Variants in TPRG1 observed in about 807,000 individuals in gnomAD.
The protein encoded by TPRG1 is tumor protein p63-regulated gene 1 protein.
In TPRG1, 29 loss-of-function variants were observed where a neutral mutation model predicts 29.3. The ratio of observed to expected loss-of-function variants is 0.99; its 90% CI spans 0.74 to 1.35. The LOEUF is 1.35. Among genes scored for constraint, TPRG1 ranks in the 40% most tolerant of loss-of-function variants. TPRG1 has a pLI of 0.00. For missense variants in TPRG1, 327 were observed against 335.0 expected (o/e 0.98, Z 0.19); for synonymous variants, 130 against 116.8 (o/e 1.11, Z -0.73).
chr3:189,283,908 G>C (rs1413068621), intron 4 of TPRG1, among the ~76,000 whole-genome samples: 3 of 152,170 alleles, frequency 2.0e-5, no homozygotes, highest in South Asian at 4.1e-4. Context: ...GTGGATACAG[G>C]CGTTAGTACT....
At chr3:189,302,434 TA>T (rs1168074915) in intron 4 of TPRG1, among the ~76,000 whole-genome samples, 1 of 152,194 alleles carries the variant, frequency 6.6e-6, no homozygotes, top group Non-Finnish European at 1.5e-5. Flanking sequence ...AATTATTCAT[TA>T]TTGAGGGAGT....
At chr3:189,262,122 G>C (rs1400124178) in intron 4 of TPRG1, among the ~76,000 whole-genome samples, 1 of 152,102 alleles carries the variant, frequency 6.6e-6, no homozygotes, top group Non-Finnish European at 1.5e-5. Context: ...GAGAAATTCT[G>C]TCATAGTAGA....
chr3:189,036,965 C>T (rs1211333058), intron 4 of TPRG1, among the ~76,000 whole-genome samples: 3 of 150,970 alleles, frequency 2.0e-5, no homozygotes, highest in Non-Finnish European at 4.4e-5. Flanking sequence ...TCAAAAAAGT[C>T]CCCATTCTTA....
Position 189,238,845 on chromosome 3 carries a change from C to T in TPRG1, c.415C>T (p.Pro139Ser). Residue 139 changes from proline to serine, a missense_variant, in exon 4 of 6, where the codon CCT becomes TCT. By Grantham distance (74) the Pro-to-Ser change is moderately conservative. Transcript: ENST00000345063. ...GAGTTGTGTGCAGCTGCAGCGGATT[C>T]CTCTGAGCGCTGTCTATCGCATCTG... ...MLSCVQLQRI[P>S]LSAVYRICLG... The T allele has an allele frequency of 6.2e-7, 1 of 1,613,728 alleles. No individual in the cohort carries two copies. The highest frequency in any genetic ancestry group is 8.5e-7 in the Non-Finnish European group (1 of 1,179,728).
upstream of TPRG1, among the ~76,000 whole-genome samples, chr3:189,168,017 C>A (rs1294739698): frequency 6.6e-6 from 1 of 151,994 alleles, no homozygotes; most frequent in Non-Finnish European, 1.5e-5. Flanking sequence ...TGAACCTGTG[C>A]GACAATGAAA....
chr3:189,017,702 C>G (rs544737570), intron 3 of TPRG1, among the ~76,000 whole-genome samples: 40 of 152,132 alleles, frequency 2.6e-4, no homozygotes, highest in African/African-American at 1.2e-4. Flanking sequence ...GTGTGCATGT[C>G]TCTTTATAGC....
At chr3:189,108,696 CAT>C (rs1458089121) in intron 1 of TPRG1, among the ~76,000 whole-genome samples, 3 of 151,960 alleles carry the variant, frequency 2.0e-5, no homozygotes, top group Non-Finnish European at 2.9e-5. Context: ...AATTTTATAA[CAT>C]AAAATAATTT....
chr3:189,272,713 CTCCTTCCT>C (rs59828840), intron 4 of TPRG1, among the ~76,000 whole-genome samples: 10,768 of 132,182 alleles, frequency 0.081, 496 homozygotes, highest in African/African-American at 0.14. Flanking sequence ...TTCTTTCTTT[CTCCTTCCT>C]TCCTTCCTTC....
intron 4 of TPRG1, among the ~76,000 whole-genome samples, chr3:189,298,692 C>G (rs1010201180): frequency 6.6e-6 from 1 of 152,132 alleles, no homozygotes; most frequent in Non-Finnish European, 1.5e-5. Flanking sequence ...AGGGCCATAA[C>G]CTAGAGAGTG....
chr3:189,058,502 A>G (rs937569298), intron 4 of TPRG1, among the ~76,000 whole-genome samples: 11 of 152,200 alleles, frequency 7.2e-5, no homozygotes, highest in Admixed American at 3.3e-4. Context: ...CTTTATATTT[A>G]TAACTGTGTA....
intron 3 of TPRG1, among the ~76,000 whole-genome samples, chr3:189,019,243 C>A (rs1436350683): frequency 6.6e-6 from 1 of 151,876 alleles, no homozygotes. Context: ...TGCCTAATTG[C>A]CCTGGCCAGA....
chr3:189,029,402 A>G (rs539043395), intron 4 of TPRG1, among the ~76,000 whole-genome samples: 92 of 152,218 alleles, frequency 6.0e-4, no homozygotes, highest in Non-Finnish European at 1.2e-3. Flanking sequence ...ACATCAATAG[A>G]GATGAATAGG....
chr3:189,097,887 A>T (rs146165316), upstream of TPRG1, among the ~76,000 whole-genome samples: 1,302 of 152,336 alleles, frequency 8.5e-3, 10 homozygotes, highest in Admixed American at 0.013. Flanking sequence ...AGAACTACTG[A>T]TGGAAATAAT....
At chr3:189,019,271 G>T (rs1174670977) in intron 3 of TPRG1, among the ~76,000 whole-genome samples, 4 of 151,978 alleles carry the variant, frequency 2.6e-5, no homozygotes, top group Non-Finnish European at 4.4e-5. Context: ...ACACTATGTT[G>T]AATAGGAGTC....
At chr3:189,105,613 A>G (rs937974436) in intron 1 of TPRG1, among the ~76,000 whole-genome samples, 4 of 151,978 alleles carry the variant, frequency 2.6e-5, no homozygotes, top group Admixed American at 6.6e-5. Context: ...TCTATCCCCA[A>G]CAACCTTGGG....
chr3:189,215,071 T>G (rs1486102751), intron 2 of TPRG1, among the ~76,000 whole-genome samples: 3 of 151,988 alleles, frequency 2.0e-5, no homozygotes, highest in Non-Finnish European at 4.4e-5. Context: ...AGTAAGATTA[T>G]AGAAGATGGG....
chr3:189,109,223 G>T (rs77650702), intron 1 of TPRG1, among the ~76,000 whole-genome samples: 10 of 152,258 alleles, frequency 6.6e-5, no homozygotes, highest in Admixed American at 1.3e-4. Flanking sequence ...TCGTCCGGAG[G>T]AAGGATTCTG....
intron 5 of TPRG1, among the ~76,000 whole-genome samples, chr3:189,154,133 G>T (rs550838830): frequency 2.0e-5 from 3 of 152,312 alleles, no homozygotes; most frequent in African/African-American, 7.2e-5. Flanking sequence ...GGAAGGCATT[G>T]CATCTCACCA....
At chr3:189,159,496 G>A (rs997761542) in intron 5 of TPRG1, among the ~76,000 whole-genome samples, 9 of 152,194 alleles carry the variant, frequency 5.9e-5, no homozygotes, top group Non-Finnish European at 1.0e-4. Context: ...GAAGGACAGA[G>A]TCCTATCCCC....
Sources: gnomAD v4.1 joint callset for allele counts (sites outside exome capture counted in the v4.1 genomes callset) on GRCh38, gnomAD v4.1.1 for gene constraint, MANE v1.5 for transcripts, NCBI Gene and HGNC (gene_info 2026-07-23, HGNC 2026-07-21) for gene names.